SAMMSON: variants seen among roughly 807,000 people sequenced by gnomAD.
The protein encoded by SAMMSON is survival associated mitochondrial melanoma specific oncogenic non-coding RNA, also known as long intergenic non-protein coding RNA 1212.
intron 4 of SAMMSON, among the ~76,000 whole-genome samples, chr3:70,149,458 C>A (rs6549281): frequency 0.71 from 107,131 of 151,894 alleles, 38,280 homozygotes; most frequent in Non-Finnish European, 0.76. Context: ...TTCAGCTGGG[C>A]GCTCATTAAA....
intron 4 of SAMMSON, among the ~76,000 whole-genome samples, chr3:70,225,983 C>T (rs1268010451): frequency 6.6e-6 from 1 of 152,112 alleles, no homozygotes; most frequent in Non-Finnish European, 1.5e-5. Context: ...CAGGATGAGA[C>T]ATATTGCCTT....
intron 2 of SAMMSON, among the ~76,000 whole-genome samples, chr3:70,415,461 G>A (rs1043299668): frequency 1.3e-5 from 2 of 152,114 alleles, no homozygotes; most frequent in African/African-American, 4.8e-5. Flanking sequence ...ATTGTTTGAT[G>A]TTTATTACAT....
chr3:70,065,732 C>G (rs2067207154), intron 3 of SAMMSON, among the ~76,000 whole-genome samples: 1 of 151,964 alleles, frequency 6.6e-6, no homozygotes, highest in South Asian at 2.1e-4. Flanking sequence ...GCTAAACCTC[C>G]TACAATGCAC....
At chr3:70,295,259 A>G (rs991428408) in intron 7 of SAMMSON, among the ~76,000 whole-genome samples, 21 of 152,192 alleles carry the variant, frequency 1.4e-4, no homozygotes, top group Non-Finnish European at 2.4e-4. Context: ...AGTAGCCATT[A>G]TGATTTTTTA....
At chr3:70,042,675 T>C (rs1165656625) in intron 3 of SAMMSON, among the ~76,000 whole-genome samples, 1 of 151,060 alleles carries the variant, frequency 6.6e-6, no homozygotes, top group East Asian at 2.0e-4. Flanking sequence ...GTTTTGCTGC[T>C]TGTGAAGTCT....
intron 3 of SAMMSON, among the ~76,000 whole-genome samples, chr3:70,045,786 T>C (rs983109440): frequency 6.6e-6 from 1 of 152,154 alleles, no homozygotes; most frequent in African/African-American, 2.4e-5. Flanking sequence ...TGTGGGCTTT[T>C]AATGCACATG....
chr3:70,222,145 CTT>C (rs955611661), intron 4 of SAMMSON, among the ~76,000 whole-genome samples: 7 of 152,142 alleles, frequency 4.6e-5, no homozygotes, highest in African/African-American at 1.7e-4. Context: ...TCTCCCCAGG[CTT>C]ACACAGGCAA....
chr3:70,380,696 C>T (rs1703058711), intron 9 of SAMMSON, among the ~76,000 whole-genome samples: 1 of 152,044 alleles, frequency 6.6e-6, no homozygotes, highest in Admixed American at 6.6e-5. Context: ...TCCCCTCTCC[C>T]CCCTACCCCA....
intron 4 of SAMMSON, among the ~76,000 whole-genome samples, chr3:70,165,218 A>G (rs558965494): frequency 2.0e-5 from 3 of 152,148 alleles, no homozygotes; most frequent in East Asian, 1.9e-4. Context: ...TCTAGATGAT[A>G]TGGAAAGAAC....
intron 3 of SAMMSON, among the ~76,000 whole-genome samples, chr3:70,038,280 G>T (rs889472812): frequency 1.3e-5 from 2 of 152,050 alleles, no homozygotes; most frequent in African/African-American, 4.8e-5. Context: ...ATTCTCTCAG[G>T]AAAGATTATT....
intron 4 of SAMMSON, among the ~76,000 whole-genome samples, chr3:70,138,472 A>G (rs973766879): frequency 6.6e-6 from 1 of 152,044 alleles, no homozygotes; most frequent in Non-Finnish European, 1.5e-5. Flanking sequence ...TTGTAATCCC[A>G]TTCATGAGGG....
chr3:70,374,710 G>A (rs369718683), intron 9 of SAMMSON, among the ~76,000 whole-genome samples: 2 of 152,134 alleles, frequency 1.3e-5, no homozygotes, highest in African/African-American at 2.4e-5. Context: ...TACCACTACA[G>A]TGGGGTCATT....
intron 3 of SAMMSON, among the ~76,000 whole-genome samples, chr3:70,047,680 A>T (rs2067132012): frequency 6.6e-6 from 1 of 152,102 alleles, no homozygotes; most frequent in Admixed American, 6.6e-5. Context: ...TCCATTTGTG[A>T]TACTATAGAA....
intron 7 of SAMMSON, among the ~76,000 whole-genome samples, chr3:70,318,947 C>A (rs753026677): frequency 6.6e-6 from 1 of 151,948 alleles, no homozygotes; most frequent in African/African-American, 2.4e-5. Context: ...AATAAATGCC[C>A]AAAGTGCATA....
chr3:70,217,938 T>G (rs1191678329), intron 4 of SAMMSON, among the ~76,000 whole-genome samples: 1 of 152,130 alleles, frequency 6.6e-6, no homozygotes, highest in Non-Finnish European at 1.5e-5. Context: ...AGAAATAAGA[T>G]GTATACAGAG....
intron 4 of SAMMSON, among the ~76,000 whole-genome samples, chr3:70,109,135 C>T (rs546498675): frequency 2.6e-5 from 4 of 152,068 alleles, no homozygotes; most frequent in Non-Finnish European, 5.9e-5. Context: ...TCCTCTGGAA[C>T]CACCCTTCTA....
At chr3:70,358,901 C>G (rs1053895212) in intron 9 of SAMMSON, among the ~76,000 whole-genome samples, 3 of 152,028 alleles carry the variant, frequency 2.0e-5, no homozygotes, top group African/African-American at 7.2e-5. Context: ...GAATTTATGG[C>G]TTTGGTTTTA....
intron 4 of SAMMSON, chr3:70,125,230 A>T (rs2106669881): frequency 1.5e-6 from 2 of 1,352,490 alleles, no homozygotes; most frequent in Non-Finnish European, 2.1e-6. Context: ...CTTTCATACG[A>T]CCTTCTTTCA....
At chr3:70,007,829 T>C (rs2066934809) in intron 1 of SAMMSON, among the ~76,000 whole-genome samples, 1 of 152,128 alleles carries the variant, frequency 6.6e-6, no homozygotes, top group Non-Finnish European at 1.5e-5. Flanking sequence ...TTGTATAAGG[T>C]GTAAGGAAGA....
Sources: allele counts gnomAD v4.1 joint callset (sites outside exome capture counted in the v4.1 genomes callset), GRCh38; gene constraint gnomAD v4.1.1; transcripts MANE v1.5; gene names NCBI Gene and HGNC (gene_info 2026-07-23, HGNC 2026-07-21).